LRRC7: variants seen among roughly 807,000 people sequenced by gnomAD.
The protein encoded by LRRC7 is leucine-rich repeat-containing protein 7.
In LRRC7, 23 loss-of-function variants were observed where a neutral mutation model predicts 175.7. The observed-to-expected ratio is 0.13, with a 90% confidence interval of 0.09 to 0.19. The LOEUF is 0.19. Ranked by LOEUF, LRRC7 falls within the 10% of genes least tolerant of loss-of-function variation. The pLI, the probability that LRRC7 is intolerant of heterozygous loss-of-function variation, is 1.00. For missense variants in LRRC7, 1,354 were observed against 1,904.7 expected (o/e 0.71, Z 5.38); for synonymous variants, 685 against 680.9 (o/e 1.01, Z -0.09).
At chr1:69,970,295 A>G (rs542494199) in intron 8 of LRRC7, among the ~76,000 whole-genome samples, 11 of 152,284 alleles carry the variant, frequency 7.2e-5, no homozygotes, top group Admixed American at 7.2e-4. Flanking sequence ...GCAGAACTAA[A>G]TAAAATTGAA....
At chr1:69,719,814 A>G (rs2100775023) in intron 2 of LRRC7, among the ~76,000 whole-genome samples, 1 of 151,798 alleles carries the variant, frequency 6.6e-6, no homozygotes, top group South Asian at 2.1e-4. Context: ...AAAGATAACC[A>G]CAATTAACAT....
rs1666527655 is a variant in LRRC7 at position 70,128,253 on chromosome 1, T to G, written c.*6366T>G. The stretch of plus-strand genomic sequence containing the variant: ...CTGGGATTACAGGCGTGAGCCACTG[T>G]GCCCAGCATTTTTTCATTCTTTAAG... On this transcript the variant is annotated 3_prime_UTR_variant, in exon 27 of 27. Coordinates refer to ENST00000651989, the MANE Select transcript of LRRC7 (RefSeq NM_001370785.2). Among the ~76,000 whole-genome samples, 1 of 152,196 alleles carries G rather than the reference T, an allele frequency of 6.6e-6. No individual in the cohort carries two copies. Among genetic ancestry groups the G allele is most frequent in the South Asian group, 2.1e-4 (1 of 4,834 alleles).
intron 1 of LRRC7, among the ~76,000 whole-genome samples, chr1:69,596,048 C>CAG (rs1247031612): frequency 1.3e-5 from 2 of 151,860 alleles, no homozygotes; most frequent in African/African-American, 4.8e-5. Flanking sequence ...TATCCTTAAT[C>CAG]ACTCACAGGA....
chr1:69,773,584 T>G (rs1672481331), intron 3 of LRRC7, among the ~76,000 whole-genome samples: 1 of 152,130 alleles, frequency 6.6e-6, no homozygotes. Flanking sequence ...TTTAAAGTGG[T>G]GGGTAGTTGA....
At chr1:70,049,607 A>C (rs1558026191) in intron 22 of LRRC7, among the ~76,000 whole-genome samples, 1 of 152,088 alleles carries the variant, frequency 6.6e-6, no homozygotes, top group Admixed American at 6.6e-5. Flanking sequence ...ACAGTGACTA[A>C]ATTTACCAAA....
intron 4 of LRRC7, among the ~76,000 whole-genome samples, chr1:69,801,565 C>T (rs1676496193): frequency 6.6e-6 from 1 of 151,680 alleles, no homozygotes; most frequent in African/African-American, 2.4e-5. Flanking sequence ...TATCATGTCT[C>T]CTTTTTTATT....
At chr1:70,066,590 CA>C (rs1661993727) in intron 23 of LRRC7, among the ~76,000 whole-genome samples, 1 of 151,910 alleles carries the variant, frequency 6.6e-6, no homozygotes, top group Non-Finnish European at 1.5e-5. Context: ...CATAGTATTC[CA>C]TAGTATGGAT....
chr1:69,834,495 T>C (rs1207126629), intron 5 of LRRC7, among the ~76,000 whole-genome samples: 1 of 152,088 alleles, frequency 6.6e-6, no homozygotes, highest in Non-Finnish European at 1.5e-5. Flanking sequence ...CTAGCGTGCA[T>C]AAGGTTAGGC....
intron 1 of LRRC7, among the ~76,000 whole-genome samples, chr1:69,598,405 A>C (rs1220635741): frequency 6.6e-6 from 1 of 152,108 alleles, no homozygotes; most frequent in African/African-American, 2.4e-5. Context: ...CTAGAGAGAG[A>C]TTTATTTTAA....
intron 1 of LRRC7, among the ~76,000 whole-genome samples, chr1:69,642,807 GATAC>G (rs1654412458): frequency 1.6e-5 from 2 of 128,258 alleles, no homozygotes; most frequent in South Asian, 2.7e-4. Context: ...AATGACAGAT[GATAC>G]ATAGATAGAT....
intron 1 of LRRC7, among the ~76,000 whole-genome samples, chr1:69,676,259 C>T (rs1659760074): frequency 6.6e-6 from 1 of 151,932 alleles, no homozygotes; most frequent in African/African-American, 2.4e-5. Flanking sequence ...GAACATAATC[C>T]TCTCTCTATG....
intron 8 of LRRC7, among the ~76,000 whole-genome samples, chr1:69,950,511 G>A (rs1649807539): frequency 1.3e-5 from 2 of 152,088 alleles, no homozygotes; most frequent in Admixed American, 1.3e-4. Context: ...TAATAATTTA[G>A]TATTTATCCT....
intron 8 of LRRC7, among the ~76,000 whole-genome samples, chr1:69,966,688 C>T (rs1651692223): frequency 6.6e-6 from 1 of 152,182 alleles, no homozygotes; most frequent in Admixed American, 6.5e-5. Flanking sequence ...GGGAGATTGT[C>T]CGCCCCGAGC....
intron 1 of LRRC7, among the ~76,000 whole-genome samples, chr1:69,597,946 A>G (rs1646908509): frequency 6.6e-6 from 1 of 152,194 alleles, no homozygotes; most frequent in Non-Finnish European, 1.5e-5. Flanking sequence ...AACAAGAAAG[A>G]CTCAACTACC....
intron 16 of LRRC7, 99 bp downstream of exon 16, chr1:70,021,228 T>C: frequency 8.5e-7 from 1 of 1,181,634 alleles, no homozygotes; most frequent in South Asian, 1.4e-5. Flanking sequence ...CAGATACTTC[T>C]TCAAGTCTCA....
chr1:69,671,544 C>T (rs141486511), intron 1 of LRRC7, among the ~76,000 whole-genome samples: 321 of 152,230 alleles, frequency 2.1e-3, no homozygotes, highest in African/African-American at 6.7e-3. Flanking sequence ...AGTCCACTGG[C>T]GCTGAGCCCA....
At chr1:69,797,257 C>T (rs1403629310) in intron 4 of LRRC7, among the ~76,000 whole-genome samples, 1 of 152,228 alleles carries the variant, frequency 6.6e-6, no homozygotes, top group East Asian at 1.9e-4. Flanking sequence ...AAAGTCAGCT[C>T]TAAAGTGCCA....
chr1:69,750,582 T>A (rs1383827724), intron 2 of LRRC7, among the ~76,000 whole-genome samples: 1 of 152,156 alleles, frequency 6.6e-6, no homozygotes, highest in African/African-American at 2.4e-5. Context: ...TACTGAGTAA[T>A]TTATAAGCTG....
intron 1 of LRRC7, among the ~76,000 whole-genome samples, chr1:69,640,596 A>C (rs148417634): frequency 1.1e-3 from 168 of 150,420 alleles, no homozygotes; most frequent in Non-Finnish European, 1.9e-3. Context: ...ATTTTGTTAT[A>C]TTTATTTTAT....
Sources: allele counts gnomAD v4.1 joint callset (sites outside exome capture counted in the v4.1 genomes callset), GRCh38; gene constraint gnomAD v4.1.1; transcripts MANE v1.5; gene names NCBI Gene and HGNC (gene_info 2026-07-23, HGNC 2026-07-21).